The following GALNT13 variants were observed in gnomAD, a reference collection of about 807,000 sequenced individuals.
The protein encoded by GALNT13 is polypeptide N-acetylgalactosaminyltransferase 13.
A neutral mutation model predicts 64.2 loss-of-function variants in GALNT13; 28 were observed. The ratio of observed to expected loss-of-function variants is 0.44; its 90% confidence interval spans 0.32 to 0.60. The LOEUF (loss-of-function observed/expected upper bound fraction) is 0.60. GALNT13 is among the 20% of genes least tolerant of loss of function. The pLI, the probability that GALNT13 is intolerant of heterozygous loss-of-function variation, is 0.05. For missense variants in GALNT13, 577 were observed against 669.8 expected, an observed-to-expected ratio of 0.86 and a Z score of 1.53; for synonymous variants, 214 against 224.6, an observed-to-expected ratio of 0.95 and a Z score of 0.42.
chr2:153,356,864 C>A, the GALNT13 span, among the ~76,000 whole-genome samples: 1 of 127,944 alleles, frequency 7.8e-6, no homozygotes, highest in Admixed American at 1.0e-4. Context: ...GTGGTGTGAT[C>A]TCGGCTCACT....
chr2:153,957,671 C>A (rs956045063), intron 3 of GALNT13, among the ~76,000 whole-genome samples: 1 of 152,154 alleles, frequency 6.6e-6, no homozygotes, highest in Admixed American at 6.5e-5. Flanking sequence ...ATCCCAGATG[C>A]CAATTTCATA....
At chr2:153,325,437 C>CA in the GALNT13 span, among the ~76,000 whole-genome samples, 1 of 136,730 alleles carries the variant, frequency 7.3e-6, no homozygotes, top group East Asian at 1.9e-4. Context: ...TTAACATTTT[C>CA]AAAAAAACAG....
the GALNT13 span, among the ~76,000 whole-genome samples, chr2:153,257,993 C>G: frequency 6.6e-6 from 1 of 152,198 alleles, no homozygotes; most frequent in South Asian, 2.1e-4. Context: ...CACTTTCTAA[C>G]AGGCCCAGGA....
chr2:153,345,695 CTTTCTT>C, the GALNT13 span, among the ~76,000 whole-genome samples: 140 of 120,204 alleles, frequency 1.2e-3, 6 homozygotes, highest in African/African-American at 2.5e-3. Flanking sequence ...TTCTTTCTTT[CTTTCTT>C]TCTCTTTCTC....
the GALNT13 span, among the ~76,000 whole-genome samples, chr2:153,340,984 G>A: frequency 1.3e-5 from 2 of 152,084 alleles, no homozygotes; most frequent in Non-Finnish European, 2.9e-5. Flanking sequence ...CTACTGAATC[G>A]TAAGCTCTGA....
At chr2:153,316,405 G>A in the GALNT13 span, among the ~76,000 whole-genome samples, 1 of 152,080 alleles carries the variant, frequency 6.6e-6, no homozygotes, top group Non-Finnish European at 1.5e-5. Flanking sequence ...CACTTTGGGA[G>A]GCCGAGGAGG....
At chr2:153,661,329 A>G in the GALNT13 span, among the ~76,000 whole-genome samples, 1 of 152,168 alleles carries the variant, frequency 6.6e-6, no homozygotes. Context: ...AAGGCTACTC[A>G]GCTGCTCAAA....
At chr2:153,617,616 G>C in the GALNT13 span, among the ~76,000 whole-genome samples, 1 of 151,920 alleles carries the variant, frequency 6.6e-6, no homozygotes, top group East Asian at 1.9e-4. Context: ...TTTTGGAAAA[G>C]TTTGGGTAGG....
the GALNT13 span, among the ~76,000 whole-genome samples, chr2:153,618,685 A>G: frequency 1.3e-5 from 2 of 151,920 alleles, no homozygotes; most frequent in African/African-American, 4.8e-5. Context: ...TGTCCTTTAT[A>G]TAGCTAAGTG....
At position 154,016,714 on chromosome 2, in the gene GALNT13, C is replaced by T. The variant is rs538444712; in HGVS notation, c.142+72075C>T. ...TACAGGCATGAGCCACTGCGCCTGG[C>T]CTAGATTGTTAAATCAACAAATCAA... On this transcript the variant is annotated intron_variant, in intron 3 of 12. Coordinates refer to ENST00000392825, the MANE Select transcript of GALNT13 (RefSeq NM_052917.4). Among the ~76,000 whole-genome samples, 6 of 152,206 alleles carry T rather than the reference C, an allele frequency of 3.9e-5. No homozygotes were observed. The South Asian group carries it at 1.0e-3, about 26-fold the overall frequency.
chr2:153,617,386 C>T, the GALNT13 span, among the ~76,000 whole-genome samples: 3 of 151,972 alleles, frequency 2.0e-5, no homozygotes, highest in African/African-American at 7.2e-5. Flanking sequence ...ATACATTGAA[C>T]CATCCTCGCA....
the GALNT13 span, among the ~76,000 whole-genome samples, chr2:153,287,507 G>A: frequency 9.2e-5 from 14 of 152,170 alleles, no homozygotes; most frequent in African/African-American, 1.4e-4. Context: ...AGTGGTGGAA[G>A]TAGCTCTCAG....
chr2:153,150,245 A>G, the GALNT13 span, among the ~76,000 whole-genome samples: 2 of 151,916 alleles, frequency 1.3e-5, no homozygotes, highest in African/African-American at 4.8e-5. Context: ...CATTAGTTCC[A>G]TTAAAATGCA....
rs943889301 is a variant in GALNT13, at chr2:153,950,065, G to GC, written c.142+5427dup. Among the ~76,000 whole-genome samples the GC allele has an allele frequency of 1.2e-4, 7 of 59,282 alleles. 1 individual carries two copies. In the South Asian group the frequency reaches 4.6e-3, roughly 39 times the overall value. The allele number at this position is 59,282 out of a possible 152,430, so 38.9% of individuals were successfully genotyped here. A position where few individuals can be genotyped will look rare whatever the true frequency, so the allele number is the denominator to read the frequency against. On this transcript the variant is annotated intron_variant, in intron 3 of 12. Coordinates refer to ENST00000392825, the MANE Select transcript of GALNT13 (RefSeq NM_052917.4). The stretch of plus-strand genomic sequence containing the variant: ...ATTCTTAAAACATAAAAAAATTACT[G>GC]CAAAAAAATTGATAAATTTGACTAT...
At chr2:154,364,715 G>A (rs6753489) in intron 9 of GALNT13, among the ~76,000 whole-genome samples, 81,430 of 151,918 alleles carry the variant, frequency 0.54, 22,084 homozygotes, top group East Asian at 0.69. Context: ...TCTCTCTCCC[G>A]GGCTGGAATG....
chr2:153,253,163 C>G, the GALNT13 span, among the ~76,000 whole-genome samples: 1 of 150,788 alleles, frequency 6.6e-6, no homozygotes, highest in African/African-American at 2.4e-5. Flanking sequence ...GTTTGTAGTT[C>G]TCCTTGAAGA....
chr2:154,424,351 A>G, intron 11 of GALNT13, among the ~76,000 whole-genome samples: 1 of 152,148 alleles, frequency 6.6e-6, no homozygotes, highest in East Asian at 1.9e-4. Flanking sequence ...TAACCTTTGC[A>G]AACCTCATAA....
At chr2:154,202,548 A>G (rs894800124) in intron 4 of GALNT13, among the ~76,000 whole-genome samples, 5 of 152,094 alleles carry the variant, frequency 3.3e-5, no homozygotes, top group Non-Finnish European at 7.4e-5. Context: ...ATATAGGAAA[A>G]TAATACATTA....
At chr2:153,312,133 A>C in the GALNT13 span, among the ~76,000 whole-genome samples, 1 of 152,204 alleles carries the variant, frequency 6.6e-6, no homozygotes, top group African/African-American at 2.4e-5. Flanking sequence ...TGTCATTATT[A>C]ATCTATCACT....
Sources: allele counts gnomAD v4.1 joint callset (sites outside exome capture counted in the v4.1 genomes callset), GRCh38; gene constraint gnomAD v4.1.1; transcripts MANE v1.5; gene names NCBI Gene and HGNC (gene_info 2026-07-23, HGNC 2026-07-21).